MIA2: variants seen among roughly 807,000 people sequenced by gnomAD.
MIA2 encodes melanoma inhibitory activity protein 2.
In MIA2, 127 loss-of-function variants were observed where a neutral mutation model predicts 167.8. The observed-to-expected ratio is 0.76, with a 90% CI of 0.66 to 0.88. The LOEUF is 0.88. Among genes scored for constraint, MIA2 ranks in the 40% least tolerant of loss-of-function variants. MIA2 has a pLI of 0.00. For missense variants in MIA2, 1,690 were observed against 1,624.7 expected, an observed-to-expected ratio of 1.04 and a Z score of -0.69; for synonymous variants, 552 against 541.9, an observed-to-expected ratio of 1.02 and a Z score of -0.26.
At chr14:39,235,904 G>T (rs2053720177) in intron 1 of MIA2, among the ~76,000 whole-genome samples, 1 of 152,044 alleles carries the variant, frequency 6.6e-6, no homozygotes, top group Non-Finnish European at 1.5e-5. Context: ...AATTTATAAT[G>T]TTATTTTAAC....
Position 39,313,389 on chromosome 14 carries a change from T to C in MIA2, c.3067T>C (p.Ser1023Pro), listed in dbSNP as rs1429237015. Residue 1023 changes from serine to proline, a missense_variant, in exon 19 of 29, where the codon TCT becomes CCT. Physicochemically the swap from Ser to Pro is moderately conservative, Grantham distance 74. Transcript: ENST00000640607. Reference protein sequence around the residue: ...NYRLEKEEKLSKVDEKISHAT... With the variant: ...NYRLEKEEKLPKVDEKISHAT... ...TCGGTTAGAGAAAGAAGAGAAACTT[T>C]CTAAAGTAGATGAAAAGATCAGCCA... 3 of 1,604,212 alleles carry C rather than the reference T, an allele frequency of 1.9e-6. No individual in the cohort carries two copies. Among genetic ancestry groups the C allele is most frequent in the Non-Finnish European group, 1.7e-6 (2 of 1,175,646 alleles).
intron 23 of MIA2, among the ~76,000 whole-genome samples, chr14:39,371,229 T>C (rs2074939317): frequency 6.6e-6 from 1 of 152,136 alleles, no homozygotes; most frequent in African/African-American, 2.4e-5. Context: ...TTAAATATCT[T>C]TATTTATTCA....
intron 25 of MIA2, among the ~76,000 whole-genome samples, chr14:39,332,689 C>G (rs1188387214): frequency 6.6e-6 from 1 of 152,108 alleles, no homozygotes; most frequent in Non-Finnish European, 1.5e-5. Flanking sequence ...TTCCTGAACG[C>G]TTGTGCTTCC....
intron 6 of MIA2, among the ~76,000 whole-genome samples, chr14:39,273,414 A>G (rs1464975474): frequency 6.6e-6 from 1 of 151,844 alleles, no homozygotes; most frequent in East Asian, 1.9e-4. Context: ...GTGCAGTGGC[A>G]TGATCATGAT....
At chr14:39,282,801 T>C (rs113464472) in intron 9 of MIA2, among the ~76,000 whole-genome samples, 4 of 152,268 alleles carry the variant, frequency 2.6e-5, no homozygotes, top group African/African-American at 7.2e-5. Flanking sequence ...TCAAACTCCC[T>C]GGCTCAGGTG....
chr14:39,285,578 A>C (rs1331784985), intron 9 of MIA2, among the ~76,000 whole-genome samples: 10 of 78,656 alleles, frequency 1.3e-4, no homozygotes, highest in African/African-American at 3.3e-4. Context: ...TGACCCCCCG[A>C]CCTCCCTCCC....
In MIA2 at chr14:39,286,172, C is replaced by G. The variant is rs560554150; in HGVS notation, c.2131-4847C>G. Among the ~76,000 whole-genome samples the G allele has an allele frequency of 6.1e-3, 925 of 152,332 alleles. 11 individuals are homozygous for G. The highest frequency in any genetic ancestry group is 6.0e-3 in the Non-Finnish European group (408 of 68,036). On this transcript the variant is annotated intron_variant, in intron 9 of 28. Coordinates refer to ENST00000640607, the MANE Select transcript of MIA2 (RefSeq NM_001329214.4). ...TGGGCAACGTTGAGCACTGAGTGAA[C>G]GAGACTCCATCTGCAATCCCGGCAC...
rs748625175 is a variant in MIA2, at chr14:39,388,499, T to C, written c.*1547T>C. ...TAATATGCCATTCATTTGAGAAATA[T>C]ATTTGAGAGTCTTCTGTGTGCTAGT... On this transcript the variant is annotated 3_prime_UTR_variant, in exon 24 of 24. Transcript: ENST00000341502. This position sits in a 1 kb window ranked among gnomAD's most constrained non-coding sequence, Gnocchi z 4.1. The C allele has an allele frequency of 6.4e-6, 1 of 157,044 alleles. No homozygotes were observed. Among genetic ancestry groups the C allele is most frequent in the Non-Finnish European group, 1.4e-5 (1 of 71,270 alleles). The allele number at this position is 157,044 out of a possible 1,614,324, so 9.7% of individuals were successfully genotyped here. A position where few individuals can be genotyped will look rare whatever the true frequency, so the allele number is the denominator to read the frequency against.
intron 15 of MIA2, 125 bp downstream of exon 15, chr14:39,302,374 CACA>C: frequency 9.2e-7 from 1 of 1,081,690 alleles, no homozygotes; most frequent in Non-Finnish European, 1.3e-6. Context: ...CTGTCTGTGA[CACA>C]CTGTCCTTTC....
intron 25 of MIA2, among the ~76,000 whole-genome samples, chr14:39,340,894 C>T (rs776302773): frequency 6.6e-6 from 1 of 152,062 alleles, no homozygotes; most frequent in African/African-American, 2.4e-5. Context: ...CCTGAAGAGA[C>T]TAGGTTGTGG....
rs534613066 is a variant in MIA2, at chr14:39,283,432, GT to G, written c.2130+3904del. ...AGTGAAACAGTGTATACTGAATTCA[GT>G]TTTTTTTTCTCATCAATGTTATAAT... On this transcript the variant is annotated intron_variant, in intron 9 of 28. Coordinates refer to ENST00000640607, the MANE Select transcript of MIA2 (RefSeq NM_001329214.4). Among the ~76,000 whole-genome samples the G allele has an allele frequency of 4.4e-3, 671 of 151,478 alleles. 5 individuals are homozygous for G. The highest frequency in any genetic ancestry group is 0.015 in the African/African-American group (608 of 41,318).
At chr14:39,282,756 A>G (rs2059127355) in intron 9 of MIA2, among the ~76,000 whole-genome samples, 1 of 152,098 alleles carries the variant, frequency 6.6e-6, no homozygotes, top group Non-Finnish European at 1.5e-5. Flanking sequence ...AATTTTTTGT[A>G]GAGATGGGGT....
chr14:39,267,647 C>T (rs2056163727), intron 6 of MIA2: 2 of 1,143,916 alleles, frequency 1.7e-6, no homozygotes, highest in Admixed American at 2.6e-5. Flanking sequence ...CAGTCCTCGT[C>T]TGCTGCCCGG....
chr14:39,263,629 C>G (rs1240699843), intron 6 of MIA2, among the ~76,000 whole-genome samples: 1 of 124,260 alleles, frequency 8.0e-6, no homozygotes, highest in Admixed American at 7.8e-5. Flanking sequence ...CTCTCTCTCT[C>G]TCTCTTTTTT....
At position 39,277,048 on chromosome 14, in the gene MIA2, TGGA is replaced by T. The variant is rs1566678779; in HGVS notation, c.2004_2006del (p.Trp668_Arg669delinsTer). 1 of 1,613,700 alleles carries T rather than the reference TGGA, an allele frequency of 6.2e-7. No individual in the cohort carries two copies. Among genetic ancestry groups the T allele is most frequent in the Admixed American group, 1.7e-5 (1 of 59,954 alleles). On this transcript the variant is annotated stop_gained and inframe_deletion, in exon 7 of 29. Transcript: ENST00000640607. LOFTEE classifies it high-confidence loss of function. ...ATTTTTTGCTGTTCTCTTTTTTTTG[TGGA>T]GAAGTTTTAGATCGGTAAGTAACCA...
chr14:39,362,542 A>AT (rs1289049470), intron 23 of MIA2, among the ~76,000 whole-genome samples: 2 of 151,108 alleles, frequency 1.3e-5, no homozygotes, highest in African/African-American at 4.9e-5. Flanking sequence ...CTCCTTTTTC[A>AT]TTTCTGATTT....
rs189846429 is a variant in MIA2, at chr14:39,264,085, C to T, written c.1887+10914C>T. On this transcript the variant is annotated intron_variant, in intron 6 of 28. Coordinates refer to ENST00000640607, the MANE Select transcript of MIA2 (RefSeq NM_001329214.4). Reference sequence around the variant, plus strand: ...ACATAATATTCAGTGGGAAGTTTTTCAGTCCTTGACCTGCTCCCTTCCTCA... The same window carrying T: ...ACATAATATTCAGTGGGAAGTTTTTTAGTCCTTGACCTGCTCCCTTCCTCA... 1.5e-4 allele frequency among the ~76,000 whole-genome samples: 23 copies of T among 152,310 alleles called. No homozygotes were observed. The East Asian group carries it at 4.1e-3, about 27-fold the overall frequency.
intron 6 of MIA2, among the ~76,000 whole-genome samples, chr14:39,260,876 A>T (rs1459650780): frequency 6.6e-6 from 1 of 152,108 alleles, no homozygotes; most frequent in African/African-American, 2.4e-5. Context: ...TCTTGAGTTA[A>T]TTTTTGTATA....
chr14:39,248,141 G>T lies in MIA2; in HGVS notation c.1567G>T (p.Asp523Tyr), dbSNP rs1487027736. The T allele has an allele frequency of 1.4e-6, 2 of 1,389,994 alleles. No homozygotes were observed. Among genetic ancestry groups the T allele is most frequent in the East Asian group, 5.0e-5 (2 of 40,374 alleles). The allele number at this position is 1,389,994 out of a possible 1,614,324, so 86.1% of individuals were successfully genotyped here. A position where few individuals can be genotyped will look rare whatever the true frequency, so the allele number is the denominator to read the frequency against. The change falls in exon 4 of 29, where the codon GAT becomes TAT. Residue 523 changes from aspartate to tyrosine, a missense_variant and splice_region_variant. Transcript: ENST00000640607. Reference protein sequence around the residue: ...MIFKSSYSLSDMVSNIELPTR... With the variant: ...MIFKSSYSLSYMVSNIELPTR... ...ATTCAAAAGTTCATACAGTCTGTCA[G>T]GTTGGTATGAAAATATTTACATTAG...
Sources: gnomAD v4.1 joint callset for allele counts (sites outside exome capture counted in the v4.1 genomes callset) on GRCh38, gnomAD v4.1.1 for gene constraint, Gnocchi (gnomAD v3.1) non-coding constraint, MANE v1.5 for transcripts, NCBI Gene and HGNC (gene_info 2026-07-23, HGNC 2026-07-21) for gene names.